NXPE2: variants seen among roughly 807,000 people sequenced by gnomAD.
NXPE2 encodes the protein neurexophilin and PC-esterase domain family member 2, also known as NXPE family member 2.
In NXPE2, 34 loss-of-function variants were observed where a neutral mutation model predicts 34.4. The observed-to-expected ratio is 0.99, with a 90% CI of 0.75 to 1.31. NXPE2 has a LOEUF of 1.31. Among genes scored for constraint, NXPE2 ranks in the 40% most tolerant of loss-of-function variants. The probability of loss-of-function intolerance (pLI) is 0.00; values close to 1 mark genes in which losing one functional copy is unlikely to be tolerated. For missense variants in NXPE2, 649 were observed against 672.5 expected (o/e 0.97, Z 0.39); for synonymous variants, 235 against 231.3 (o/e 1.02, Z -0.15).
the NXPE2 span, among the ~76,000 whole-genome samples, chr11:114,748,076 C>A: frequency 1.3e-5 from 2 of 152,156 alleles, no homozygotes; most frequent in Non-Finnish European, 2.9e-5. Context: ...CTTTCTGTGC[C>A]TGGCTTATTT....
the NXPE2 span, among the ~76,000 whole-genome samples, chr11:114,607,944 A>G: frequency 1.3e-5 from 2 of 151,870 alleles, no homozygotes; most frequent in African/African-American, 2.4e-5. Flanking sequence ...ATGTCTAACC[A>G]CTGTTACCCA....
the NXPE2 span, among the ~76,000 whole-genome samples, chr11:114,644,334 G>A: frequency 6.6e-6 from 1 of 152,160 alleles, no homozygotes; most frequent in African/African-American, 2.4e-5. Context: ...TCTTGTGCTG[G>A]TTTTCAAAGG....
At chr11:114,464,975 T>A in the NXPE2 span, among the ~76,000 whole-genome samples, 2 of 152,166 alleles carry the variant, frequency 1.3e-5, no homozygotes, top group Non-Finnish European at 2.9e-5. Context: ...AATCAGGAAA[T>A]TCATATTAAA....
intron 2 of NXPE2, among the ~76,000 whole-genome samples, chr11:114,685,983 G>A (rs1344464962): frequency 6.6e-6 from 1 of 151,926 alleles, no homozygotes; most frequent in Non-Finnish European, 1.5e-5. Flanking sequence ...GAAAGGAAAT[G>A]TTCTGTATCT....
the NXPE2 span, among the ~76,000 whole-genome samples, chr11:114,470,720 G>T: frequency 1.3e-5 from 2 of 151,884 alleles, no homozygotes; most frequent in African/African-American, 4.8e-5. Flanking sequence ...GGAGTCCTTG[G>T]GAAGAGATGA....
At chr11:114,596,667 T>G in the NXPE2 span, among the ~76,000 whole-genome samples, 6 of 152,196 alleles carry the variant, frequency 3.9e-5, no homozygotes, top group Non-Finnish European at 5.9e-5. Flanking sequence ...GGTGTAGGAT[T>G]GTTAAATTTT....
the NXPE2 span, among the ~76,000 whole-genome samples, chr11:114,632,388 T>C: frequency 3.0e-4 from 40 of 133,192 alleles, no homozygotes; most frequent in Admixed American, 1.8e-4. Context: ...ATATATGATA[T>C]AAATATAAAT....
At chr11:114,701,051 C>T (rs1029425937) in intron 3 of NXPE2, among the ~76,000 whole-genome samples, 4 of 152,154 alleles carry the variant, frequency 2.6e-5, no homozygotes, top group African/African-American at 7.2e-5. Flanking sequence ...ACGTCACCTT[C>T]ACTTCTTTAC....
At chr11:114,542,871 ATATGAT>A in the NXPE2 span, among the ~76,000 whole-genome samples, 1 of 152,240 alleles carries the variant, frequency 6.6e-6, no homozygotes, top group Non-Finnish European at 1.5e-5. Context: ...ACATGAATAT[ATATGAT>A]TATAACACAA....
At chr11:114,773,206 TC>T in the NXPE2 span, among the ~76,000 whole-genome samples, 2 of 150,668 alleles carry the variant, frequency 1.3e-5, no homozygotes, top group African/African-American at 2.4e-5. Flanking sequence ...CATCCTAGGC[TC>T]CTTCAATGGA....
chr11:114,488,721 A>G, the NXPE2 span, among the ~76,000 whole-genome samples: 2 of 152,218 alleles, frequency 1.3e-5, no homozygotes, highest in African/African-American at 4.8e-5. Context: ...GTGTAGAGGG[A>G]AATTTATAGC....
the NXPE2 span, among the ~76,000 whole-genome samples, chr11:114,665,802 T>C: frequency 1.0e-3 from 154 of 152,294 alleles, 1 homozygote; most frequent in Admixed American, 8.2e-3. Flanking sequence ...CTTGGAACTT[T>C]CCCTTCCTAT....
the NXPE2 span, among the ~76,000 whole-genome samples, chr11:114,464,856 AC>A: frequency 6.6e-6 from 1 of 152,160 alleles, no homozygotes; most frequent in African/African-American, 2.4e-5. Flanking sequence ...ACAAAAAAAA[AC>A]GAAAAAAGAA....
chr11:114,668,974 C>A, the NXPE2 span, among the ~76,000 whole-genome samples: 2 of 152,036 alleles, frequency 1.3e-5, no homozygotes, highest in South Asian at 4.1e-4. Flanking sequence ...TGGGGCTGCT[C>A]CCATTCCACT....
At chr11:114,581,109 T>C in the NXPE2 span, among the ~76,000 whole-genome samples, 1 of 152,226 alleles carries the variant, frequency 6.6e-6, no homozygotes, top group Non-Finnish European at 1.5e-5. Flanking sequence ...AGGCTTTCTT[T>C]CTTTTTTTAT....
the NXPE2 span, among the ~76,000 whole-genome samples, chr11:114,804,821 A>G: frequency 1.3e-5 from 2 of 152,152 alleles, no homozygotes; most frequent in Non-Finnish European, 2.9e-5. Context: ...GAGGAGGAAG[A>G]CCAGGGCTTC....
chr11:114,746,103 G>T, the NXPE2 span, among the ~76,000 whole-genome samples: 1 of 152,050 alleles, frequency 6.6e-6, no homozygotes, highest in East Asian at 1.9e-4. Flanking sequence ...CTTGGCTTTA[G>T]TTGAATGTTG....
the NXPE2 span, among the ~76,000 whole-genome samples, chr11:114,732,876 T>C: frequency 8.5e-5 from 13 of 152,098 alleles, no homozygotes; most frequent in East Asian, 2.3e-3. Flanking sequence ...GGCCCATCAA[T>C]TGGGTCTTTA....
chr11:114,522,479 T>A, the NXPE2 span: 1 of 1,602,698 alleles, frequency 6.2e-7, no homozygotes, highest in African/African-American at 1.3e-5. Context: ...GATTCCAGTT[T>A]CATGAAGATC....
Sources: allele counts gnomAD v4.1 joint callset (sites outside exome capture counted in the v4.1 genomes callset), GRCh38; gene constraint gnomAD v4.1.1; transcripts MANE v1.5; gene names NCBI Gene and HGNC (gene_info 2026-07-23, HGNC 2026-07-21).